Variants in LHFPL3 observed in about 807,000 individuals in gnomAD.
LHFPL3 encodes the protein LHFPL tetraspan subfamily member 3.
In LHFPL3, 5 loss-of-function variants were observed where a neutral mutation model predicts 19.3. The observed-to-expected ratio is 0.26, with a 90% CI of 0.14 to 0.54. The LOEUF is 0.54. Ranked by LOEUF, LHFPL3 falls within the 20% of genes least tolerant of loss-of-function variation. The pLI is 0.94. For synonymous variants in LHFPL3, 133 were observed against 126.2 expected (o/e 1.05, Z -0.36); for missense variants, 249 against 307.4 (o/e 0.81, Z 1.42).
chr7:104,501,959 A>G (rs562936077), intron 1 of LHFPL3, among the ~76,000 whole-genome samples: 1 of 152,356 alleles, frequency 6.6e-6, no homozygotes, highest in Non-Finnish European at 1.5e-5. Context: ...TAGGAATCAA[A>G]TTAACTGAAA....
At chr7:104,705,825 C>T (rs929289344) in intron 1 of LHFPL3, among the ~76,000 whole-genome samples, 1 of 152,132 alleles carries the variant, frequency 6.6e-6, no homozygotes, top group Non-Finnish European at 1.5e-5. Flanking sequence ...GTAGATCAGC[C>T]TAGCAAAGTA....
At chr7:104,505,717 A>G (rs1437108796) in intron 1 of LHFPL3, among the ~76,000 whole-genome samples, 1 of 152,266 alleles carries the variant, frequency 6.6e-6, no homozygotes, top group Non-Finnish European at 1.5e-5. Flanking sequence ...AATCCAATTG[A>G]GTATTCAAAT....
At chr7:104,721,949 T>C (rs1435371356) in intron 1 of LHFPL3, among the ~76,000 whole-genome samples, 1 of 152,198 alleles carries the variant, frequency 6.6e-6, no homozygotes, top group Non-Finnish European at 1.5e-5. Flanking sequence ...TGAATGTGAC[T>C]GGACCCTTGG....
intron 2 of LHFPL3, 45 bp from the exon 3 acceptor site, chr7:104,906,140 TTC>T: frequency 1.3e-6 from 2 of 1,582,178 alleles, no homozygotes; most frequent in Non-Finnish European, 1.7e-6. Context: ...GATGTATTTT[TTC>T]TCTCCCCCCA....
intron 2 of LHFPL3, among the ~76,000 whole-genome samples, chr7:104,748,899 A>G (rs1360856047): frequency 6.6e-6 from 1 of 152,216 alleles, no homozygotes; most frequent in African/African-American, 2.4e-5. Context: ...TCTGGCGCCC[A>G]ACGTGGGGCT....
At chr7:104,845,483 T>C in intron 2 of LHFPL3, 1 of 1,522,218 alleles carries the variant, frequency 6.6e-7, no homozygotes, top group Non-Finnish European at 8.8e-7. Flanking sequence ...GCTTCTGCCT[T>C]CTGTTCCCGC....
At chr7:104,456,144 A>G (rs1421914253) in intron 1 of LHFPL3, among the ~76,000 whole-genome samples, 1 of 152,208 alleles carries the variant, frequency 6.6e-6, no homozygotes, top group African/African-American at 2.4e-5. Context: ...TAATGAAAGA[A>G]TAACGTAACT....
chr7:104,663,397 C>T (rs1420946825), intron 1 of LHFPL3, among the ~76,000 whole-genome samples: 1 of 152,198 alleles, frequency 6.6e-6, no homozygotes, highest in Non-Finnish European at 1.5e-5. Flanking sequence ...ATTGAACTTT[C>T]ATTGGGAGGG....
At chr7:104,866,034 T>C (rs1384291617) in intron 2 of LHFPL3, among the ~76,000 whole-genome samples, 2 of 152,148 alleles carry the variant, frequency 1.3e-5, no homozygotes, top group South Asian at 2.1e-4. Context: ...CTGAGAGATT[T>C]TGTCACCACT....
chr7:104,506,159 G>A (rs1370311904), intron 1 of LHFPL3, among the ~76,000 whole-genome samples: 1 of 152,068 alleles, frequency 6.6e-6, no homozygotes, highest in Non-Finnish European at 1.5e-5. Context: ...TGGGACTATA[G>A]GCATGTGCCA....
intron 1 of LHFPL3, among the ~76,000 whole-genome samples, chr7:104,720,470 C>T (rs1171109578): frequency 2.0e-5 from 3 of 152,146 alleles, no homozygotes; most frequent in Non-Finnish European, 2.9e-5. Flanking sequence ...CAATTCAGGA[C>T]GTAGGCATGG....
intron 1 of LHFPL3, among the ~76,000 whole-genome samples, chr7:104,338,315 G>A (rs6979468): frequency 0.39 from 58,415 of 151,360 alleles, 11,650 homozygotes; most frequent in Middle Eastern, 0.53. Context: ...TAGCCAGGAT[G>A]GTCTCGATCT....
At chr7:104,521,573 A>G (rs1424496636) in intron 1 of LHFPL3, among the ~76,000 whole-genome samples, 2 of 152,076 alleles carry the variant, frequency 1.3e-5, no homozygotes, top group Non-Finnish European at 2.9e-5. Flanking sequence ...CTGCACAGCA[A>G]AAGAAACTAC....
intron 1 of LHFPL3, among the ~76,000 whole-genome samples, chr7:104,473,511 A>C (rs142296633): frequency 6.6e-6 from 1 of 152,330 alleles, no homozygotes; most frequent in Non-Finnish European, 1.5e-5. Context: ...GAAAACAGGT[A>C]CTTATTCAGT....
chr7:104,822,603 T>A (rs972760176), intron 2 of LHFPL3, among the ~76,000 whole-genome samples: 1 of 152,158 alleles, frequency 6.6e-6, no homozygotes, highest in Non-Finnish European at 1.5e-5. Flanking sequence ...AGTGAAAATT[T>A]CTCCCAGTTG....
At chr7:104,432,115 G>C (rs924513289) in intron 1 of LHFPL3, among the ~76,000 whole-genome samples, 6 of 152,202 alleles carry the variant, frequency 3.9e-5, no homozygotes, top group African/African-American at 1.4e-4. Flanking sequence ...CCCTCAGCCT[G>C]CTCTCTCCCT....
At chr7:104,726,691 C>T (rs567129491) in intron 1 of LHFPL3, among the ~76,000 whole-genome samples, 120 of 152,262 alleles carry the variant, frequency 7.9e-4, no homozygotes, top group Non-Finnish European at 1.6e-3. Context: ...CATGGTATTC[C>T]ATGGTGTATA....
At chr7:104,449,705 G>A (rs1222041849) in intron 1 of LHFPL3, among the ~76,000 whole-genome samples, 1 of 152,176 alleles carries the variant, frequency 6.6e-6, no homozygotes, top group Non-Finnish European at 1.5e-5. Context: ...ATACATGTGT[G>A]ATTCCATCAA....
intron 1 of LHFPL3, among the ~76,000 whole-genome samples, chr7:104,641,319 G>A (rs1345766626): frequency 6.6e-6 from 1 of 152,190 alleles, no homozygotes; most frequent in Non-Finnish European, 1.5e-5. Flanking sequence ...ATCACAAGTA[G>A]CTTCTCACTT....
Sources: gnomAD v4.1 joint callset for allele counts (sites outside exome capture counted in the v4.1 genomes callset) on GRCh38, gnomAD v4.1.1 for gene constraint, MANE v1.5 for transcripts, NCBI Gene and HGNC (gene_info 2026-07-23, HGNC 2026-07-21) for gene names.